The following RPTOR variants were observed in gnomAD, a reference collection of about 807,000 sequenced individuals.
RPTOR encodes the protein regulatory associated protein of MTOR complex 1.
Under a neutral mutation model 169.9 loss-of-function variants are expected in RPTOR, and 21 were observed. The observed-to-expected ratio is 0.12, with a 90% CI of 0.09 to 0.18. The LOEUF (loss-of-function observed/expected upper bound fraction) is 0.18, where lower values mean the gene tolerates loss of function less well. RPTOR is among the 10% of genes least tolerant of loss of function. The pLI is 1.00. For synonymous variants in RPTOR, 732 were observed against 753.2 expected (o/e 0.97, Z 0.46); for missense variants, 1,133 against 1,855.9 (o/e 0.61, Z 7.16).
In RPTOR at chr17:80,844,752, A is replaced by G. The variant is rs2067707610; in HGVS notation, c.1213-1721A>G. On this transcript the variant is annotated intron_variant, in intron 10 of 33. Coordinates refer to ENST00000306801, the MANE Select transcript of RPTOR (RefSeq NM_020761.3). This position sits in a 1 kb window ranked among gnomAD's most constrained non-coding sequence, Gnocchi z 4.7. ...CGAGAGCGCTCCTGGACTTGGGCGC[A>G]CGGAGGCACCCTGTCCTGCTCCTGG... 6.6e-6 allele frequency among the ~76,000 whole-genome samples: 1 copy of G among 152,192 alleles called. No individual in the cohort carries two copies.
At chr17:80,567,820 A>AAATG (rs938720638) in intron 1 of RPTOR, among the ~76,000 whole-genome samples, 2 of 151,392 alleles carry the variant, frequency 1.3e-5, no homozygotes, top group African/African-American at 4.8e-5. Context: ...ATAAATAAAT[A>AAATG]AATAAATAAA....
At chr17:80,882,694 A>T (rs549145299) in intron 14 of RPTOR, among the ~76,000 whole-genome samples, 1 of 152,222 alleles carries the variant, frequency 6.6e-6, no homozygotes, top group Non-Finnish European at 1.5e-5. Flanking sequence ...AAGATGCAGG[A>T]CACGGCAAAA....
chr17:80,836,841 C>G (rs1426769586), intron 9 of RPTOR, among the ~76,000 whole-genome samples: 24 of 152,170 alleles, frequency 1.6e-4, no homozygotes, highest in Admixed American at 1.6e-3. Context: ...CTGGGAATCC[C>G]AGGAACTGGC....
intron 4 of RPTOR, among the ~76,000 whole-genome samples, chr17:80,714,165 T>G (rs1341000556): frequency 6.6e-6 from 1 of 152,194 alleles, no homozygotes; most frequent in Non-Finnish European, 1.5e-5. Flanking sequence ...GGTCTTGAAC[T>G]CCTGACCTCA....
rs535950840 is a variant in RPTOR at position 80,774,938 on chromosome 17, C to T, written c.831-16512C>T. Among the ~76,000 whole-genome samples the T allele has an allele frequency of 5.3e-5, 8 of 152,358 alleles. No individual in the cohort carries two copies. The South Asian group carries it at 1.2e-3, about 24-fold the overall frequency. ...CTTGCTTATATGCAGCTTTCCTCCA[C>T]GGGCCCCGCCTGTGCGTAGTCGTGC... On this transcript the variant is annotated intron_variant, in intron 6 of 33. Transcript: ENST00000306801.
At chr17:80,883,615 C>A in intron 15 of RPTOR, 131 bp downstream of exon 15, 1 of 1,173,930 alleles carries the variant, frequency 8.5e-7, no homozygotes, top group Non-Finnish European at 1.2e-6. Flanking sequence ...TTCATCTAGC[C>A]AGCCATTTGC....
rs142697511 is a variant in RPTOR, at chr17:80,572,752, C to G, written c.162+26961C>G. 3.7e-4 allele frequency among the ~76,000 whole-genome samples: 56 copies of G among 152,250 alleles called. No individual in the cohort carries two copies. In the East Asian group the frequency reaches 5.6e-3, roughly 15 times the overall value. ...AAAAACCAAAACCAAAAACAAATCT[C>G]AAAATCTTTCCACTCGGAGGCTTGT... is the stretch of plus-strand genomic sequence containing the variant. On this transcript the variant is annotated intron_variant, in intron 1 of 33. Transcript: ENST00000306801.
chr17:80,753,357 G>T (rs568653260), intron 5 of RPTOR, among the ~76,000 whole-genome samples: 3 of 141,590 alleles, frequency 2.1e-5, no homozygotes, highest in Admixed American at 7.1e-5. Flanking sequence ...CGTTTAGGCC[G>T]GGCGCGGTGG....
At chr17:80,733,938 G>T (rs952671537) in intron 5 of RPTOR, among the ~76,000 whole-genome samples, 4 of 152,058 alleles carry the variant, frequency 2.6e-5, no homozygotes, top group African/African-American at 9.7e-5. Context: ...TAGCTTCCTT[G>T]TACTTTCTTC....
At position 80,617,541 on chromosome 17, in the gene RPTOR, T is replaced by G. The variant is rs77050074; in HGVS notation, c.163-8150T>G. On this transcript the variant is annotated intron_variant, in intron 1 of 33. Coordinates refer to ENST00000306801, the MANE Select transcript of RPTOR (RefSeq NM_020761.3). Reference sequence around the variant, plus strand: ...AGGATACAGTTTATCGTATTTAGATTTTATGCTGTTGAATGACTTGGAATT... The same window carrying G: ...AGGATACAGTTTATCGTATTTAGATGTTATGCTGTTGAATGACTTGGAATT... 3.4e-3 allele frequency among the ~76,000 whole-genome samples: 523 copies of G among 152,354 alleles called. 1 individual carries two copies. The highest frequency in any genetic ancestry group is 0.012 in the African/African-American group (507 of 41,566).
chr17:80,959,960 C>T lies in RPTOR; in HGVS notation c.3478-118C>T. ...TGGATAGAGAGAAAGGCCCCTGCAG[C>T]CAGGGAGGGTGATCCCCACAGCCAG... On this transcript the variant is annotated intron_variant, in intron 29 of 33. Coordinates refer to ENST00000306801, the MANE Select transcript of RPTOR (RefSeq NM_020761.3). The surrounding 1 kb of genome is among the most constrained non-coding windows in gnomAD (Gnocchi z 6.7). 7.8e-7 allele frequency: 1 copy of T among 1,283,444 alleles called. No homozygotes were observed. Among genetic ancestry groups the T allele is most frequent in the Non-Finnish European group, 1.1e-6 (1 of 913,878 alleles). The allele number at this position is 1,283,444 out of a possible 1,614,324, so 79.5% of individuals were successfully genotyped here.
intron 20 of RPTOR, among the ~76,000 whole-genome samples, chr17:80,901,104 C>T (rs1051532735): frequency 2.6e-5 from 4 of 152,210 alleles, no homozygotes; most frequent in Middle Eastern, 3.4e-3. Context: ...AGAGGGACTG[C>T]GGAGGCCCCG....
At chr17:80,856,248 A>C (rs2067850768) in intron 12 of RPTOR, among the ~76,000 whole-genome samples, 1 of 152,232 alleles carries the variant, frequency 6.6e-6, no homozygotes, top group Non-Finnish European at 1.5e-5. Context: ...TATGTTATTC[A>C]AGAATCATTG....
intron 7 of RPTOR, among the ~76,000 whole-genome samples, chr17:80,813,919 A>C (rs2067298261): frequency 6.6e-6 from 1 of 152,192 alleles, no homozygotes; most frequent in South Asian, 2.1e-4. Flanking sequence ...GGATCACCCG[A>C]GCTCAGGAGT....
chr17:80,816,709 G>A (rs1567927778), intron 7 of RPTOR, among the ~76,000 whole-genome samples: 2 of 152,346 alleles, frequency 1.3e-5, no homozygotes, highest in East Asian at 3.9e-4. Flanking sequence ...GGCTTGGGAG[G>A]AGGTGGCTTG....
intron 1 of RPTOR, among the ~76,000 whole-genome samples, chr17:80,580,336 G>A (rs993066542): frequency 2.6e-5 from 4 of 152,186 alleles, no homozygotes; most frequent in African/African-American, 7.2e-5. Context: ...GAATTGGCAC[G>A]TTTTGCAAAA....
Position 80,708,192 on chromosome 17 carries a change from G to T in RPTOR, c.507+193G>T, listed in dbSNP as rs2066155728. ...AGGGGCTGTTTCTGTGGCAGAACGT[G>T]TTCATGGAATGACTGCCTTGAAGTG... On this transcript the variant is annotated intron_variant, in intron 4 of 33. Coordinates refer to ENST00000306801, the MANE Select transcript of RPTOR (RefSeq NM_020761.3). The surrounding 1 kb of genome is among the most constrained non-coding windows in gnomAD (Gnocchi z 4.2). 6.6e-6 allele frequency among the ~76,000 whole-genome samples: 1 copy of T among 152,224 alleles called. No individual in the cohort carries two copies. The highest frequency in any genetic ancestry group is 6.5e-5 in the Admixed American group (1 of 15,286).
chr17:80,826,667 A>T (rs1395323704), intron 9 of RPTOR, among the ~76,000 whole-genome samples: 1 of 152,340 alleles, frequency 6.6e-6, no homozygotes, highest in African/African-American at 2.4e-5. Flanking sequence ...CTGTGTCCCC[A>T]TGGTTGGGTT....
chr17:80,922,150 C>T (rs1175124734), intron 21 of RPTOR, among the ~76,000 whole-genome samples: 3 of 152,176 alleles, frequency 2.0e-5, no homozygotes, highest in East Asian at 1.9e-4. Flanking sequence ...CTTTCCACCC[C>T]GTGCCCACCG....
Sources: allele counts gnomAD v4.1 joint callset (sites outside exome capture counted in the v4.1 genomes callset), GRCh38; gene constraint gnomAD v4.1.1; non-coding constraint Gnocchi (gnomAD v3.1); transcripts MANE v1.5; gene names NCBI Gene and HGNC (gene_info 2026-07-23, HGNC 2026-07-21).